NCKAP5: variants seen among roughly 807,000 people sequenced by gnomAD.
The protein encoded by NCKAP5 is NCK associated protein 5, also known as nck-associated protein 5.
A neutral mutation model predicts 167.0 loss-of-function variants in NCKAP5; 92 were observed. The observed-to-expected ratio is 0.55, with a 90% CI of 0.47 to 0.66. The LOEUF is 0.66. NCKAP5 is among the 30% of genes least tolerant of loss of function. The pLI is 0.00. For synonymous variants in NCKAP5, 891 were observed against 877.4 expected, an observed-to-expected ratio of 1.02 and a Z score of -0.27; for missense variants, 2,378 against 2,315.0, an observed-to-expected ratio of 1.03 and a Z score of -0.56.
intron 4 of NCKAP5, among the ~76,000 whole-genome samples, chr2:133,277,783 C>G (rs72987616): frequency 6.6e-6 from 1 of 151,966 alleles, no homozygotes; most frequent in East Asian, 1.9e-4. Flanking sequence ...GGTGCAGGTG[C>G]GTGTCTAGAC....
In NCKAP5 at chr2:132,751,874, G is replaced by C. The variant is rs1346521456; in HGVS notation, c.5129-19823C>G. Among the ~76,000 whole-genome samples, 4 of 152,190 alleles carry C rather than the reference G, an allele frequency of 2.6e-5. No homozygotes were observed. In the South Asian group the frequency reaches 6.2e-4, roughly 24 times the overall value. On this transcript the variant is annotated intron_variant, in intron 16 of 19. Coordinates refer to ENST00000409261, the MANE Select transcript of NCKAP5 (RefSeq NM_207363.3). ...ACTTAGATGTACAAAGGAAGACCTA[G>C]TGCAAATTCAGCACAGCAGCCTGCC... is the stretch of plus-strand genomic sequence containing the variant.
intron 19 of NCKAP5, among the ~76,000 whole-genome samples, chr2:132,720,786 A>ATCACCTAAGG (rs1689841206): frequency 6.6e-6 from 1 of 152,174 alleles, no homozygotes; most frequent in Non-Finnish European, 1.5e-5. Context: ...AGGCAGGAGG[A>ATCACCTAAGG]TCACCTAAGG....
chr2:133,397,617 A>G (rs1008553885), intron 3 of NCKAP5, among the ~76,000 whole-genome samples: 1 of 152,210 alleles, frequency 6.6e-6, no homozygotes, highest in African/African-American at 2.4e-5. Context: ...ATTAAGCAAT[A>G]AAGTGCTCTG....
intron 4 of NCKAP5, among the ~76,000 whole-genome samples, chr2:133,256,010 T>C (rs1052455092): frequency 6.6e-6 from 1 of 152,124 alleles, no homozygotes; most frequent in African/African-American, 2.4e-5. Flanking sequence ...TAAATAAACA[T>C]CGTGCTTCCT....
intron 8 of NCKAP5, among the ~76,000 whole-genome samples, chr2:132,935,564 G>A (rs1008233432): frequency 1.3e-5 from 2 of 152,116 alleles, no homozygotes; most frequent in East Asian, 1.9e-4. Context: ...GAAAACACAC[G>A]GTATGTTCAG....
chr2:133,233,107 A>T (rs1044409894), intron 4 of NCKAP5, among the ~76,000 whole-genome samples: 3 of 152,216 alleles, frequency 2.0e-5, no homozygotes, highest in Non-Finnish European at 4.4e-5. Flanking sequence ...AGCCCATGCC[A>T]CTGTGTCTGT....
intron 6 of NCKAP5, among the ~76,000 whole-genome samples, chr2:133,038,726 T>C (rs1366697549): frequency 6.6e-6 from 1 of 152,028 alleles, no homozygotes; most frequent in African/African-American, 2.4e-5. Flanking sequence ...AAACACTGCA[T>C]GTAACCATAA....
At chr2:133,170,667 A>G (rs1174461716) in intron 5 of NCKAP5, among the ~76,000 whole-genome samples, 1 of 152,220 alleles carries the variant, frequency 6.6e-6, no homozygotes, top group Non-Finnish European at 1.5e-5. Context: ...AACAACAGGA[A>G]CATACACAGC....
At chr2:132,850,976 C>T (rs1250212956) in intron 11 of NCKAP5, among the ~76,000 whole-genome samples, 2 of 152,026 alleles carry the variant, frequency 1.3e-5, no homozygotes, top group African/African-American at 4.8e-5. Flanking sequence ...TCCAGTGAGA[C>T]TCCTTGCAGG....
At chr2:133,285,999 C>CT (rs555131855) in intron 4 of NCKAP5, among the ~76,000 whole-genome samples, 21,264 of 144,078 alleles carry the variant, frequency 0.15, 1,557 homozygotes, top group South Asian at 0.16. Context: ...TCTGTGACTT[C>CT]TTTTTTTTTT....
the NCKAP5 span, among the ~76,000 whole-genome samples, chr2:133,578,325 G>T: frequency 6.6e-6 from 1 of 152,176 alleles, no homozygotes; most frequent in African/African-American, 2.4e-5. Context: ...AAGACATTTG[G>T]CAAATTGTGC....
chr2:133,257,434 A>G (rs1001850670), intron 4 of NCKAP5, among the ~76,000 whole-genome samples: 1 of 152,236 alleles, frequency 6.6e-6, no homozygotes, highest in Non-Finnish European at 1.5e-5. Flanking sequence ...TGAGTTATTA[A>G]TTAAGCAGCT....
At chr2:133,161,900 T>C (rs1395910780) in intron 5 of NCKAP5, among the ~76,000 whole-genome samples, 1 of 152,154 alleles carries the variant, frequency 6.6e-6, no homozygotes, top group African/African-American at 2.4e-5. Flanking sequence ...CCATATAGGA[T>C]CTCCTGTATC....
intron 3 of NCKAP5, among the ~76,000 whole-genome samples, chr2:133,443,590 C>T (rs759618881): frequency 2.0e-5 from 3 of 152,174 alleles, no homozygotes; most frequent in Non-Finnish European, 1.5e-5. Flanking sequence ...TTTCCTGAGA[C>T]CTTTGAGCTG....
intron 3 of NCKAP5, among the ~76,000 whole-genome samples, chr2:133,436,256 T>C (rs1213976567): frequency 6.6e-6 from 1 of 152,150 alleles, no homozygotes; most frequent in Non-Finnish European, 1.5e-5. Flanking sequence ...GAGTTTAAAA[T>C]ATGGCCAGAA....
At chr2:133,650,830 T>C in the NCKAP5 span, among the ~76,000 whole-genome samples, 1 of 152,104 alleles carries the variant, frequency 6.6e-6, no homozygotes, top group African/African-American at 2.4e-5. Context: ...TGCAGTGCGC[T>C]GAGATTGCAC....
intron 11 of NCKAP5, among the ~76,000 whole-genome samples, chr2:132,839,503 G>A (rs1688137945): frequency 6.6e-6 from 1 of 152,162 alleles, no homozygotes; most frequent in African/African-American, 2.4e-5. Flanking sequence ...GCTCATGCCT[G>A]TAATCCCAAC....
At chr2:132,822,732 G>T (rs1416087374) in intron 11 of NCKAP5, among the ~76,000 whole-genome samples, 1 of 152,140 alleles carries the variant, frequency 6.6e-6, no homozygotes, top group East Asian at 1.9e-4. Context: ...GCCAGATAAA[G>T]AATTCAGAAG....
intron 6 of NCKAP5, 105 bp from the exon 7 acceptor site, chr2:132,994,344 A>G: frequency 1.3e-6 from 1 of 759,762 alleles, no homozygotes; most frequent in Non-Finnish European, 2.1e-6. Context: ...CCAAGCTTCA[A>G]CCTGGAAATC....
Sources: gnomAD v4.1 joint callset for allele counts (sites outside exome capture counted in the v4.1 genomes callset) on GRCh38, gnomAD v4.1.1 for gene constraint, MANE v1.5 for transcripts, NCBI Gene and HGNC (gene_info 2026-07-23, HGNC 2026-07-21) for gene names.